Variants in B3GLCT observed in about 807,000 individuals in gnomAD.
B3GLCT encodes the protein beta 3-glucosyltransferase.
A neutral mutation model predicts 63.4 loss-of-function variants in B3GLCT; 65 were observed. The observed-to-expected ratio is 1.03, with a 90% confidence interval of 0.84 to 1.26. The LOEUF is 1.26. Among genes scored for constraint, B3GLCT ranks in the 50% most tolerant of loss-of-function variants. The pLI, the probability that B3GLCT is intolerant of heterozygous loss-of-function variation, is 0.00. For missense variants in B3GLCT, 577 were observed against 604.8 expected, an observed-to-expected ratio of 0.95 and a Z score of 0.48; for synonymous variants, 233 against 219.2, an observed-to-expected ratio of 1.06 and a Z score of -0.55.
intron 6 of B3GLCT, among the ~76,000 whole-genome samples, chr13:31,258,113 G>A (rs1871831764): frequency 6.6e-6 from 1 of 152,196 alleles, no homozygotes; most frequent in African/African-American, 2.4e-5. Flanking sequence ...CATTCATCAG[G>A]TCACATTTGA....
At chr13:31,244,062 T>G (rs1460541945) in intron 4 of B3GLCT, among the ~76,000 whole-genome samples, 1 of 152,258 alleles carries the variant, frequency 6.6e-6, no homozygotes, top group African/African-American at 2.4e-5. Context: ...ACGACAGTTG[T>G]TGCATGCATG....
At chr13:31,301,632 T>C (rs1874226447) in intron 12 of B3GLCT, among the ~76,000 whole-genome samples, 1 of 152,212 alleles carries the variant, frequency 6.6e-6, no homozygotes, top group Admixed American at 6.5e-5. Flanking sequence ...AGGCTTTGGG[T>C]CCCCAGCCTG....
intron 12 of B3GLCT, among the ~76,000 whole-genome samples, chr13:31,301,999 G>A (rs997858727): frequency 3.3e-5 from 5 of 152,024 alleles, no homozygotes; most frequent in African/African-American, 1.2e-4. Flanking sequence ...TCCTATGAAT[G>A]TTTTCTGTAT....
chr13:31,274,291 A>T (rs1301673641), intron 8 of B3GLCT, among the ~76,000 whole-genome samples: 1 of 152,218 alleles, frequency 6.6e-6, no homozygotes, highest in African/African-American at 2.4e-5. Context: ...ATATTGATTC[A>T]TAGTTAATTG....
At chr13:31,212,267 CTTTTT>C (rs59719685) in intron 1 of B3GLCT, among the ~76,000 whole-genome samples, 67 of 91,638 alleles carry the variant, frequency 7.3e-4, no homozygotes, top group African/African-American at 2.3e-3. Flanking sequence ...GCATAACTGG[CTTTTT>C]TTTTTTTTTT....
chr13:31,232,019 G>A (rs2137776741), intron 4 of B3GLCT, among the ~76,000 whole-genome samples: 1 of 152,338 alleles, frequency 6.6e-6, no homozygotes, highest in East Asian at 1.9e-4. Flanking sequence ...ATTGAGGCAA[G>A]ATGGTAGGCA....
At chr13:31,285,784 G>C (rs931912429) in intron 11 of B3GLCT, among the ~76,000 whole-genome samples, 4 of 152,066 alleles carry the variant, frequency 2.6e-5, no homozygotes, top group Non-Finnish European at 5.9e-5. Flanking sequence ...TACTGAGTCT[G>C]TCTGTTGCTG....
At chr13:31,276,677 A>G (rs746150246) in intron 9 of B3GLCT, 25 bp from the exon 10 acceptor site, 119 of 1,507,156 alleles carry the variant, frequency 7.9e-5, no homozygotes, top group Non-Finnish European at 1.1e-4. Flanking sequence ...ACATATGCAT[A>G]CATTTTTTCT....
intron 8 of B3GLCT, among the ~76,000 whole-genome samples, chr13:31,272,324 G>T (rs528987929): frequency 1.3e-5 from 2 of 150,002 alleles, no homozygotes; most frequent in African/African-American, 2.5e-5. Context: ...CAAGCAGTTC[G>T]CTGCCTTAGC....
rs113507439 is a variant in B3GLCT at position 31,266,568 on chromosome 13, A to T, written c.597-2646A>T. 4.7e-3 allele frequency among the ~76,000 whole-genome samples: 715 copies of T among 152,138 alleles called. 7 individuals carry two copies. Among genetic ancestry groups the T allele is most frequent in the African/African-American group, 0.017 (693 of 41,492 alleles). On this transcript the variant is annotated intron_variant, in intron 7 of 14. Transcript: ENST00000343307. ...TTTAAGTTAGTTGGTCACCCTGCAC[A>T]CTCTTAGAACTTGAACTTGTTTGCA...
At chr13:31,233,869 C>T (rs1870502168) in intron 4 of B3GLCT, among the ~76,000 whole-genome samples, 1 of 152,094 alleles carries the variant, frequency 6.6e-6, no homozygotes, top group Non-Finnish European at 1.5e-5. Context: ...TATCTATGAA[C>T]CTCTCATTCA....
At chr13:31,229,052 A>G (rs995073638) in intron 3 of B3GLCT, 133 bp from the exon 4 acceptor site, 1 of 662,962 alleles carries the variant, frequency 1.5e-6, no homozygotes, top group Admixed American at 2.7e-5. Flanking sequence ...AGAATTACAT[A>G]CGAATTGATT....
chr13:31,321,123 A>G (rs1377205858), intron 13 of B3GLCT, among the ~76,000 whole-genome samples: 1 of 152,212 alleles, frequency 6.6e-6, no homozygotes, highest in Admixed American at 6.5e-5. Flanking sequence ...CATGTTTTTC[A>G]AGGTACAGTG....
intron 1 of B3GLCT, among the ~76,000 whole-genome samples, chr13:31,214,577 T>C (rs1869456601): frequency 6.6e-6 from 1 of 152,224 alleles, no homozygotes; most frequent in Admixed American, 6.5e-5. Context: ...ATCACACTTC[T>C]AACCTTGCAG....
chr13:31,315,865 C>G (rs1470901853), intron 12 of B3GLCT, among the ~76,000 whole-genome samples: 1 of 152,222 alleles, frequency 6.6e-6, no homozygotes, highest in African/African-American at 2.4e-5. Flanking sequence ...GACTTGGTGC[C>G]CTGTGTCCCA....
At chr13:31,247,457 T>C (rs1019537957) in intron 5 of B3GLCT, among the ~76,000 whole-genome samples, 12 of 152,144 alleles carry the variant, frequency 7.9e-5, no homozygotes, top group Non-Finnish European at 1.6e-4. Context: ...TTATTTTTAG[T>C]ATAGATGAGA....
At chr13:31,322,452 A>G (rs1345164132) in intron 13 of B3GLCT, among the ~76,000 whole-genome samples, 1 of 152,236 alleles carries the variant, frequency 6.6e-6, no homozygotes, top group African/African-American at 2.4e-5. Context: ...GCCTTTCAAC[A>G]TCTTTTTAAT....
At chr13:31,286,611 A>G (rs1256961645) in intron 11 of B3GLCT, 109 bp from the exon 12 acceptor site, 1 of 757,426 alleles carries the variant, frequency 1.3e-6, no homozygotes, top group Non-Finnish European at 2.2e-6. Flanking sequence ...TTTAAGCTGC[A>G]TTTTGGCATG....
At chr13:31,233,595 C>T (rs1038683308) in intron 4 of B3GLCT, among the ~76,000 whole-genome samples, 6 of 152,202 alleles carry the variant, frequency 3.9e-5, no homozygotes, top group Admixed American at 6.5e-5. Context: ...TGTGTGTAGG[C>T]CAAGCTGCTT....
Sources: allele counts gnomAD v4.1 joint callset (sites outside exome capture counted in the v4.1 genomes callset), GRCh38; gene constraint gnomAD v4.1.1; transcripts MANE v1.5; gene names NCBI Gene and HGNC (gene_info 2026-07-23, HGNC 2026-07-21).